GALNT16: variants seen among roughly 807,000 people sequenced by gnomAD.
GALNT16 encodes the protein UDP-GalNAc:polypeptide N-acetylgalactosaminyltransferase-like protein 1.
A neutral mutation model predicts 76.1 loss-of-function variants in GALNT16; 40 were observed. That is an observed-to-expected ratio of 0.53 (90% CI 0.41 to 0.68). The LOEUF is 0.68. GALNT16 is among the 30% of genes least tolerant of loss of function. The pLI, the probability that GALNT16 is intolerant of heterozygous loss-of-function variation, is 0.00. For missense variants in GALNT16, 621 were observed against 731.9 expected (o/e 0.85, Z 1.75); for synonymous variants, 276 against 285.2 (o/e 0.97, Z 0.32).
At position 69,260,186 on chromosome 14, in the gene GALNT16, A is replaced by C. The variant is rs904530481; in HGVS notation, c.-105A>C. On this transcript the variant is annotated 5_prime_UTR_variant, in exon 1 of 15. Transcript: ENST00000448469. ...CTTTTTCTGCTCTGCAGGACTGAGCAGCTAGGCGCGAGCGAAAACAAACAG... is the reference window on the plus strand; with the variant it reads ...CTTTTTCTGCTCTGCAGGACTGAGCCGCTAGGCGCGAGCGAAAACAAACAG... 4.4e-6 allele frequency: 2 copies of C among 453,594 alleles called. No homozygotes were observed. The allele number at this position is 453,594 out of a possible 1,614,324, so 28.1% of individuals were successfully genotyped here.
At chr14:69,286,753 G>A (rs900568339) in intron 1 of GALNT16, among the ~76,000 whole-genome samples, 1 of 152,212 alleles carries the variant, frequency 6.6e-6, no homozygotes, top group Admixed American at 6.5e-5. Flanking sequence ...ATGAAAGGAT[G>A]GTTAGAGGAG....
At chr14:69,304,775 A>G (rs796924760) in intron 1 of GALNT16, among the ~76,000 whole-genome samples, 21 of 152,328 alleles carry the variant, frequency 1.4e-4, no homozygotes, top group African/African-American at 4.8e-4. Flanking sequence ...CCCAAGGTTC[A>G]TCTGTGTTGT....
At chr14:69,384,099 C>T in the GALNT16 span, among the ~76,000 whole-genome samples, 1 of 152,136 alleles carries the variant, frequency 6.6e-6, no homozygotes, top group African/African-American at 2.4e-5. Context: ...GCTCAATTTT[C>T]ATATTGTTGA....
intron 2 of GALNT16, among the ~76,000 whole-genome samples, chr14:69,321,417 G>A (rs1252280256): frequency 1.3e-5 from 2 of 152,168 alleles, no homozygotes; most frequent in East Asian, 1.9e-4. Flanking sequence ...GTGCGTGACC[G>A]GCCTTAAGCA....
At chr14:69,341,841 A>G (rs1383799858) in intron 12 of GALNT16, 77 bp downstream of exon 12, 1 of 879,162 alleles carries the variant, frequency 1.1e-6, no homozygotes, top group Non-Finnish European at 1.9e-6. Flanking sequence ...GTCCCACCCC[A>G]CCCTTAGATC....
At chr14:69,287,427 C>G (rs1361322680) in intron 1 of GALNT16, among the ~76,000 whole-genome samples, 1 of 152,176 alleles carries the variant, frequency 6.6e-6, no homozygotes, top group African/African-American at 2.4e-5. Flanking sequence ...TGTTTATCTC[C>G]TGACGTTTGG....
At chr14:69,273,560 G>C (rs2044433044) in intron 1 of GALNT16, among the ~76,000 whole-genome samples, 1 of 152,200 alleles carries the variant, frequency 6.6e-6, no homozygotes, top group Non-Finnish European at 1.5e-5. Context: ...TCTTCTTGGA[G>C]TGATTTTTCT....
At chr14:69,304,765 C>G (rs2044907222) in intron 1 of GALNT16, among the ~76,000 whole-genome samples, 1 of 152,100 alleles carries the variant, frequency 6.6e-6, no homozygotes, top group Non-Finnish European at 1.5e-5. Context: ...GCATAATGTC[C>G]CCAAGGTTCA....
chr14:69,286,962 A>G (rs1245500038), intron 1 of GALNT16, among the ~76,000 whole-genome samples: 7 of 152,202 alleles, frequency 4.6e-5, no homozygotes, highest in Admixed American at 6.5e-5. Flanking sequence ...TTTCCAGTCA[A>G]AAACACAGGA....
At chr14:69,373,762 C>G in the GALNT16 span, among the ~76,000 whole-genome samples, 6 of 147,856 alleles carry the variant, frequency 4.1e-5, no homozygotes, top group Non-Finnish European at 5.9e-5. Context: ...TTTTCTTTCT[C>G]TCTCTCTTTC....
rs950903023 is a variant in GALNT16 at position 69,333,649 on chromosome 14, A to G, written c.967+49A>G. Reference sequence around the variant, plus strand: ...GAAAATAACAGTAGCAGTAATAACCACAGTTAACCCTGACAGAGCACTTTC... The same window carrying G: ...GAAAATAACAGTAGCAGTAATAACCGCAGTTAACCCTGACAGAGCACTTTC... On this transcript the variant is annotated intron_variant, in intron 9 of 14. Transcript: ENST00000448469. This position sits in a 1 kb window ranked among gnomAD's most constrained non-coding sequence, Gnocchi z 4.2. 6 of 982,982 alleles carry G rather than the reference A, an allele frequency of 6.1e-6. No individual in the cohort carries two copies. In the African/African-American group the frequency reaches 7.9e-5, roughly 13 times the overall value. 60.9% of individuals were successfully genotyped at this position (982,982 alleles called of 1,614,324 possible).
chr14:69,347,586 A>G (rs183551898), intron 13 of GALNT16, among the ~76,000 whole-genome samples: 3 of 152,198 alleles, frequency 2.0e-5, no homozygotes, highest in African/African-American at 7.2e-5. Flanking sequence ...CCTTGGTTCC[A>G]TGTCTTGTCA....
chr14:69,377,842 GAACAT>G, the GALNT16 span, among the ~76,000 whole-genome samples: 2 of 101,660 alleles, frequency 2.0e-5, no homozygotes, highest in Non-Finnish European at 4.1e-5. Flanking sequence ...AAAAGAACAT[GAACAT>G]AAAAGTATCC....
intron 5 of GALNT16, among the ~76,000 whole-genome samples, chr14:69,326,412 G>A (rs149546701): frequency 1.1e-4 from 17 of 152,320 alleles, no homozygotes; most frequent in South Asian, 4.1e-4. Context: ...CTACTACAGC[G>A]TGGCATTGTG....
At chr14:69,296,767 T>TAGAC (rs1455325836) in intron 1 of GALNT16, among the ~76,000 whole-genome samples, 9 of 130,998 alleles carry the variant, frequency 6.9e-5, no homozygotes, top group Admixed American at 1.4e-4. Context: ...GATAGATAGA[T>TAGAC]AGACAGATAG....
chr14:69,313,308 C>G (rs943474796), intron 1 of GALNT16, among the ~76,000 whole-genome samples: 1 of 152,266 alleles, frequency 6.6e-6, no homozygotes, highest in Non-Finnish European at 1.5e-5. Context: ...TCACATATCT[C>G]TGGCATGGAC....
intron 1 of GALNT16, among the ~76,000 whole-genome samples, chr14:69,313,997 G>GGTAGCAC (rs1465804940): frequency 6.6e-6 from 1 of 152,208 alleles, no homozygotes; most frequent in Non-Finnish European, 1.5e-5. Flanking sequence ...CTCTCAACTT[G>GGTAGCAC]GTAGCACATT....
intron 1 of GALNT16, among the ~76,000 whole-genome samples, chr14:69,314,086 A>T (rs372725109): frequency 6.6e-6 from 1 of 152,234 alleles, no homozygotes; most frequent in African/African-American, 2.4e-5. Flanking sequence ...GGTCTTGGGT[A>T]TGGCCTGGAC....
rs548792657 is a variant in GALNT16, at chr14:69,297,032, A to G, written c.178-23679A>G. On this transcript the variant is annotated intron_variant, in intron 1 of 14. Transcript: ENST00000448469. ...GTGTAGCTATACCATAAGTTATTCA[A>G]TCAGCCACCTACTGATGGACATTTG... Among the ~76,000 whole-genome samples the G allele has an allele frequency of 1.7e-4, 26 of 152,336 alleles. No homozygotes were observed. The South Asian group carries it at 5.2e-3, about 30-fold the overall frequency.
Sources: gnomAD v4.1 joint callset for allele counts (sites outside exome capture counted in the v4.1 genomes callset) on GRCh38, gnomAD v4.1.1 for gene constraint, Gnocchi (gnomAD v3.1) non-coding constraint, MANE v1.5 for transcripts, NCBI Gene and HGNC (gene_info 2026-07-23, HGNC 2026-07-21) for gene names.